DNAH9: variants seen among roughly 807,000 people sequenced by gnomAD.
The protein encoded by DNAH9 is dynein axonemal heavy chain 9, also known as DNAH9 variant protein.
A neutral mutation model predicts 471.6 loss-of-function variants in DNAH9; 345 were observed. The ratio of observed to expected loss-of-function variants is 0.73; its 90% CI spans 0.67 to 0.80. The LOEUF (loss-of-function observed/expected upper bound fraction) is 0.80, where lower values mean the gene tolerates loss of function less well. Among genes scored for constraint, DNAH9 ranks in the 30% least tolerant of loss-of-function variants. The pLI, the probability that DNAH9 is intolerant of heterozygous loss-of-function variation, is 0.00. For missense variants in DNAH9, 5,407 were observed against 5,609.2 expected, an observed-to-expected ratio of 0.96 and a Z score of 1.15; for synonymous variants, 2,093 against 2,123.6, an observed-to-expected ratio of 0.99 and a Z score of 0.40.
rs971210984 is a variant in DNAH9 at position 11,924,092 on chromosome 17, T to C, written c.11877+151T>C. On this transcript the variant is annotated intron_variant, in intron 62 of 68. Transcript: ENST00000262442. ...TCTTCATCTTCTCTCTTTCCAGTTC[T>C]CCTCACTCATATGTTCTCTTCCCCA... 4 of 1,193,834 alleles carry C rather than the reference T, an allele frequency of 3.4e-6. No individual in the cohort carries two copies. The African/African-American group carries it at 6.1e-5, about 18-fold the overall frequency. The allele number at this position is 1,193,834 out of a possible 1,614,324, so 74.0% of individuals were successfully genotyped here. A position where few individuals can be genotyped will look rare whatever the true frequency, so the allele number is the denominator to read the frequency against.
intron 51 of DNAH9, 24 bp from the exon 52 acceptor site, chr17:11,871,571 TCTC>T (rs1225007073): frequency 1.2e-6 from 2 of 1,607,924 alleles, no homozygotes. Flanking sequence ...ACACGCCTCC[TCTC>T]CTCTCTGGCT....
intron 1 of DNAH9, among the ~76,000 whole-genome samples, chr17:11,600,902 C>A (rs2072372288): frequency 6.6e-6 from 1 of 152,188 alleles, no homozygotes; most frequent in African/African-American, 2.4e-5. Flanking sequence ...TATTGTGCAA[C>A]ACATCCTCAG....
chr17:11,763,909 A>G (rs1967825588), intron 36 of DNAH9, among the ~76,000 whole-genome samples: 1 of 152,172 alleles, frequency 6.6e-6, no homozygotes, highest in African/African-American at 2.4e-5. Flanking sequence ...AACTGCTGGT[A>G]TATATGCACT....
chr17:11,950,120 G>A (rs1281818598), intron 67 of DNAH9, among the ~76,000 whole-genome samples: 1 of 152,264 alleles, frequency 6.6e-6, no homozygotes, highest in South Asian at 2.1e-4. Flanking sequence ...TGCACAGAAG[G>A]TATGGAGATT....
At chr17:11,612,238 C>A in intron 4 of DNAH9, 1 of 282,284 alleles carries the variant, frequency 3.5e-6, no homozygotes, top group South Asian at 5.4e-5. Context: ...TCCATCTGTC[C>A]TAATCAAGGA....
At chr17:11,911,196 TTTGAG>T (rs1973783806) in intron 61 of DNAH9, among the ~76,000 whole-genome samples, 1 of 152,218 alleles carries the variant, frequency 6.6e-6, no homozygotes, top group African/African-American at 2.4e-5. Context: ...TATAATCCAC[TTTGAG>T]TTAATGTTTC....
chr17:11,774,154 A>T (rs1315189136), intron 38 of DNAH9, among the ~76,000 whole-genome samples: 4 of 152,092 alleles, frequency 2.6e-5, no homozygotes, highest in African/African-American at 9.7e-5. Flanking sequence ...AATAAAATAG[A>T]ATTAAAAACA....
intron 67 of DNAH9, among the ~76,000 whole-genome samples, chr17:11,951,299 T>G (rs192842637): frequency 2.6e-3 from 394 of 152,320 alleles, no homozygotes; most frequent in Non-Finnish European, 3.8e-3. Context: ...GAGTCATGAC[T>G]TTTTGACACA....
chr17:11,663,814 C>T (rs912123480), intron 14 of DNAH9, among the ~76,000 whole-genome samples: 6 of 152,102 alleles, frequency 3.9e-5, no homozygotes, highest in African/African-American at 9.7e-5. Flanking sequence ...TCTTAATACC[C>T]GAGAGAAACT....
At chr17:11,668,560 A>G (rs1467827853) in intron 15 of DNAH9, among the ~76,000 whole-genome samples, 1 of 150,890 alleles carries the variant, frequency 6.6e-6, no homozygotes, top group Admixed American at 6.6e-5. Flanking sequence ...AGCTACTTGG[A>G]AGGCTGTGGC....
chr17:11,678,590 A>G (rs145879263), intron 17 of DNAH9, among the ~76,000 whole-genome samples: 1,641 of 152,164 alleles, frequency 0.011, 33 homozygotes, highest in African/African-American at 0.038. Context: ...TTATCAGTCT[A>G]GTTTTGTTTT....
chr17:11,730,704 G>T (rs2075244032), intron 28 of DNAH9, among the ~76,000 whole-genome samples: 1 of 152,164 alleles, frequency 6.6e-6, no homozygotes, highest in Non-Finnish European at 1.5e-5. Context: ...GCCCTGCAGA[G>T]AATAGTCACT....
At chr17:11,926,225 G>A (rs371124929) in intron 62 of DNAH9, among the ~76,000 whole-genome samples, 18 of 151,860 alleles carry the variant, frequency 1.2e-4, no homozygotes, top group Non-Finnish European at 2.1e-4. Flanking sequence ...CCCAAATTCC[G>A]TTGAACACAG....
intron 67 of DNAH9, among the ~76,000 whole-genome samples, chr17:11,945,416 A>G (rs564427079): frequency 6.6e-6 from 1 of 151,944 alleles, no homozygotes; most frequent in East Asian, 1.9e-4. Flanking sequence ...GGGCGCCTGT[A>G]ATCCCAGCTA....
At chr17:11,739,096 C>A in intron 29 of DNAH9, 59 bp downstream of exon 29, 2 of 1,473,508 alleles carry the variant, frequency 1.4e-6, no homozygotes, top group South Asian at 1.3e-5. Context: ...TTCATTTTTC[C>A]ACTTAAAATG....
At chr17:11,673,586 G>A (rs12946617) in intron 17 of DNAH9, among the ~76,000 whole-genome samples, 21,085 of 145,888 alleles carry the variant, frequency 0.14, 1,712 homozygotes, top group East Asian at 0.41. Context: ...TTTCTCAAAA[G>A]ATGTGTTTAT....
chr17:11,872,705 G>T (rs569470727), intron 52 of DNAH9, among the ~76,000 whole-genome samples: 1 of 152,278 alleles, frequency 6.6e-6, no homozygotes, highest in African/African-American at 2.4e-5. Context: ...CGGATCACGA[G>T]GTCAGGAGAT....
intron 10 of DNAH9, among the ~76,000 whole-genome samples, chr17:11,643,628 A>G (rs2073321340): frequency 6.6e-6 from 1 of 152,214 alleles, no homozygotes; most frequent in South Asian, 2.1e-4. Context: ...TATTGTTCCT[A>G]GGCTACAAAT....
intron 26 of DNAH9, among the ~76,000 whole-genome samples, chr17:11,719,099 G>A (rs970367811): frequency 2.0e-5 from 3 of 152,056 alleles, no homozygotes; most frequent in Non-Finnish European, 4.4e-5. Context: ...GGAGGAGCAA[G>A]CAGACCCAGA....
Sources: gnomAD v4.1 joint callset for allele counts (sites outside exome capture counted in the v4.1 genomes callset) on GRCh38, gnomAD v4.1.1 for gene constraint, MANE v1.5 for transcripts, NCBI Gene and HGNC (gene_info 2026-07-23, HGNC 2026-07-21) for gene names.